Variants in YWHAE observed in about 807,000 individuals in gnomAD.
YWHAE encodes the protein 14-3-3 protein epsilon.
YWHAE carries 4 observed loss-of-function variants against 30.1 expected under a neutral mutation model. That is an observed-to-expected ratio of 0.13 (90% CI 0.07 to 0.30). YWHAE has a LOEUF of 0.30. Among genes scored for constraint, YWHAE ranks in the 10% least tolerant of loss-of-function variants. YWHAE has a pLI of 1.00. For synonymous variants in YWHAE, 118 were observed against 111.8 expected (o/e 1.06, Z -0.35); for missense variants, 121 against 315.9 (o/e 0.38, Z 4.68).
chr17:1,388,345 T>C (rs1165453682), intron 1 of YWHAE, among the ~76,000 whole-genome samples: 6 of 150,910 alleles, frequency 4.0e-5, no homozygotes, highest in Non-Finnish European at 7.4e-5. Context: ...TGAAACCCCG[T>C]CTCTACTAAA....
At chr17:1,359,668 TAA>T (rs1429521349) in intron 4 of YWHAE, among the ~76,000 whole-genome samples, 1 of 151,472 alleles carries the variant, frequency 6.6e-6, no homozygotes, top group Non-Finnish European at 1.5e-5. Flanking sequence ...CAACGTAAAA[TAA>T]AAGTTACTAG....
Position 1,353,446 on chromosome 17 carries a change from A to AAAAAG in YWHAE, c.715+760_715+764dup, listed in dbSNP as rs200337928. On this transcript the variant is annotated intron_variant, in intron 5 of 5. Coordinates refer to ENST00000264335, the MANE Select transcript of YWHAE (RefSeq NM_006761.5). ...GAGCGAGACTCCATCTCAAAAAAAA[A>AAAAAG]AAAAGAAAAGAAAAGAAAAGAAAAG... 6.7e-4 allele frequency among the ~76,000 whole-genome samples: 94 copies of AAAAAG among 140,784 alleles called. 1 individual carries two copies. Among genetic ancestry groups the AAAAAG allele is most frequent in the Non-Finnish European group, 1.2e-3 (81 of 66,070 alleles). The allele number at this position is 140,784 out of a possible 152,430, so 92.4% of individuals were successfully genotyped here.
intron 1 of YWHAE, among the ~76,000 whole-genome samples, chr17:1,370,293 AT>A (rs201079697): frequency 0.014 from 2,162 of 150,662 alleles, 21 homozygotes; most frequent in Non-Finnish European, 0.021. Flanking sequence ...TGCCCAGTGA[AT>A]TTTTTTGTGT....
At chr17:1,358,828 TTA>T (rs2072804958) in intron 4 of YWHAE, among the ~76,000 whole-genome samples, 2 of 64,300 alleles carry the variant, frequency 3.1e-5, no homozygotes, top group African/African-American at 9.2e-5. Context: ...AGACTCCATC[TTA>T]AAAAAAAAAA....
At chr17:1,357,174 C>T (rs530443533) in intron 4 of YWHAE, among the ~76,000 whole-genome samples, 4 of 145,908 alleles carry the variant, frequency 2.7e-5, no homozygotes, top group Admixed American at 6.8e-5. Flanking sequence ...GAGGCCGAGG[C>T]GGGTGGATCA....
At chr17:1,383,926 C>T (rs1046569255) in intron 1 of YWHAE, among the ~76,000 whole-genome samples, 1 of 151,908 alleles carries the variant, frequency 6.6e-6, no homozygotes, top group Non-Finnish European at 1.5e-5. Flanking sequence ...CCGAAGAGGG[C>T]TGGGCACAGT....
chr17:1,367,079 C>A (rs538208871), intron 1 of YWHAE, among the ~76,000 whole-genome samples: 1 of 152,084 alleles, frequency 6.6e-6, no homozygotes, highest in Non-Finnish European at 1.5e-5. Flanking sequence ...AAAGTCTCTT[C>A]GAAAAATATT....
chr17:1,381,340 C>T (rs1185018352), intron 1 of YWHAE, among the ~76,000 whole-genome samples: 1 of 151,880 alleles, frequency 6.6e-6, no homozygotes, highest in African/African-American at 2.4e-5. Context: ...CATGGAGAAA[C>T]CCCGACTCTA....
intron 1 of YWHAE, among the ~76,000 whole-genome samples, chr17:1,384,466 C>T (rs1022790467): frequency 2.0e-4 from 30 of 150,604 alleles, no homozygotes; most frequent in East Asian, 8.1e-4. Context: ...CCAAGGCGGG[C>T]AGATCACAAC....
At chr17:1,364,562 T>A (rs1162054785) in intron 2 of YWHAE, among the ~76,000 whole-genome samples, 2 of 152,138 alleles carry the variant, frequency 1.3e-5, no homozygotes, top group African/African-American at 4.8e-5. Context: ...GTCATCATTT[T>A]GCTTGAAAAT....
At chr17:1,373,242 T>C (rs923630406) in intron 1 of YWHAE, among the ~76,000 whole-genome samples, 3 of 151,708 alleles carry the variant, frequency 2.0e-5, no homozygotes, top group Non-Finnish European at 4.4e-5. Context: ...AAACTCAGTC[T>C]CAAAAAACAA....
chr17:1,367,611 C>A (rs965642517), intron 1 of YWHAE, among the ~76,000 whole-genome samples: 1 of 152,052 alleles, frequency 6.6e-6, no homozygotes, highest in Non-Finnish European at 1.5e-5. Context: ...ATAATCCTAA[C>A]GCTGTACTCC....
intron 1 of YWHAE, among the ~76,000 whole-genome samples, chr17:1,384,296 A>T (rs568667417): frequency 6.6e-6 from 1 of 150,898 alleles, no homozygotes; most frequent in Non-Finnish European, 1.5e-5. Flanking sequence ...GGATTGCTTG[A>T]GCCCAGGAGG....
chr17:1,358,610 G>A (rs943769668), intron 4 of YWHAE, among the ~76,000 whole-genome samples: 1 of 151,716 alleles, frequency 6.6e-6, no homozygotes, highest in East Asian at 2.0e-4. Context: ...GAGGGAGGCT[G>A]AGGTCAGGAG....
At chr17:1,346,990 C>CAAA (rs71148471) in intron 5 of YWHAE, among the ~76,000 whole-genome samples, 992 of 74,134 alleles carry the variant, frequency 0.013, 13 homozygotes, top group East Asian at 0.07. Flanking sequence ...GACTCCGTCT[C>CAAA]AAAAAAAAAA....
intron 1 of YWHAE, among the ~76,000 whole-genome samples, chr17:1,375,345 C>T (rs1383138768): frequency 6.6e-6 from 1 of 152,142 alleles, no homozygotes; most frequent in Non-Finnish European, 1.5e-5. Context: ...GGATGAACTC[C>T]AACCATTATA....
At chr17:1,366,196 CAG>C (rs758097416) in intron 1 of YWHAE, among the ~76,000 whole-genome samples, 1 of 142,164 alleles carries the variant, frequency 7.0e-6, no homozygotes, top group African/African-American at 2.6e-5. Context: ...AGCCCAGCAA[CAG>C]AGACTCCACC....
Position 1,400,057 on chromosome 17 carries a change from C to T in YWHAE, c.54G>A (p.Glu18=). 6.2e-7 allele frequency: 1 copy of T among 1,614,052 alleles called. No homozygotes were observed. Among genetic ancestry groups the T allele is most frequent in the African/African-American group, 1.3e-5 (1 of 75,044 alleles). ...GCCCCCCCAACTCACCGTCGTATCGCTCAGCCTGCTCGGCCAGCTTCGCCT... is the reference window on the plus strand; with the variant it reads ...GCCCCCCCAACTCACCGTCGTATCGTTCAGCCTGCTCGGCCAGCTTCGCCT... ...VYQAKLAEQA[E]RYDEMVESMK... The change falls in exon 1 of 6, where the codon GAG becomes GAA. Residue 18 remains glutamate, a synonymous_variant. Coordinates refer to ENST00000264335, the MANE Select transcript of YWHAE (RefSeq NM_006761.5).
At chr17:1,346,552 G>A (rs2072519556) in intron 5 of YWHAE, among the ~76,000 whole-genome samples, 1 of 152,190 alleles carries the variant, frequency 6.6e-6, no homozygotes. Context: ...CAGCCTAAAT[G>A]ATCTCAAAAT....
Sources: allele counts gnomAD v4.1 joint callset (sites outside exome capture counted in the v4.1 genomes callset), GRCh38; gene constraint gnomAD v4.1.1; transcripts MANE v1.5; gene names NCBI Gene and HGNC (gene_info 2026-07-23, HGNC 2026-07-21).